The following UBQLN4 variants were observed in gnomAD, a reference collection of about 807,000 sequenced individuals.
UBQLN4 encodes ubiquilin 4.
Under a neutral mutation model 60.4 loss-of-function variants are expected in UBQLN4, and 11 were observed. The observed-to-expected ratio is 0.18, with a 90% CI of 0.11 to 0.30. UBQLN4 has a LOEUF of 0.30. Ranked by LOEUF, UBQLN4 falls within the 10% of genes least tolerant of loss-of-function variation. UBQLN4 has a pLI of 1.00. For missense variants in UBQLN4, 417 were observed against 795.5 expected, an observed-to-expected ratio of 0.52 and a Z score of 5.72; for synonymous variants, 258 against 313.1, an observed-to-expected ratio of 0.82 and a Z score of 1.86.
At chr1:156,035,228 A>T (rs1683371689), downstream of UBQLN4, 1 of 980,630 alleles carries the variant, frequency 1.0e-6, no homozygotes. Flanking sequence ...CTAGATCACA[A>T]CTCTTGCCCT....
chr1:156,053,611 G>C lies in UBQLN4; in HGVS notation c.91C>G (p.Arg31Gly), dbSNP rs149317680. 7 of 1,363,010 alleles carry C rather than the reference G, an allele frequency of 5.1e-6. No individual in the cohort carries two copies. The highest frequency in any genetic ancestry group is 6.7e-6 in the Non-Finnish European group (7 of 1,049,644). 84.4% of individuals were successfully genotyped at this position (1,363,010 alleles called of 1,614,324 possible). Reference sequence around the variant, plus strand: ...TGTACTACCTCCTTGACCGAGGCTCGATCGCAGATCACAATTTCCTCCTTG... The same window carrying C: ...TGTACTACCTCCTTGACCGAGGCTCCATCGCAGATCACAATTTCCTCCTTG... ...KDKEEIVICD[R>G]ASVKEFKEEI... Residue 31 changes from arginine (R) to glycine (G), a missense_variant, in exon 1 of 11, where the codon CGA becomes GGA. By Grantham distance (125) the Arg-to-Gly change is moderately radical (BLOSUM62 -2). Coordinates refer to ENST00000368309, the MANE Select transcript of UBQLN4 (RefSeq NM_020131.5).
chr1:156,042,127 T>C, intron 8 of UBQLN4, 26 bp downstream of exon 8: 2 of 1,605,606 alleles, frequency 1.2e-6, no homozygotes, highest in Admixed American at 1.8e-5. Context: ...GCCCTCAACC[T>C]CCACCCATCT....
intron 8 of UBQLN4, 38 bp from the exon 9 acceptor site, chr1:156,042,025 G>A (rs376437596): frequency 1.2e-6 from 2 of 1,612,966 alleles, no homozygotes; most frequent in African/African-American, 2.7e-5. Context: ...TCAAGAGGTG[G>A]CAGGAAAGAG....
At chr1:156,034,989 C>A (rs755707585), downstream of UBQLN4, among the ~76,000 whole-genome samples, 30 of 150,750 alleles carry the variant, frequency 2.0e-4, no homozygotes, top group Non-Finnish European at 3.5e-4. Context: ...CTGCCTCAGC[C>A]TCCCATGTAG....
chr1:156,038,052 G>T (rs1282128528), intron 10 of UBQLN4, among the ~76,000 whole-genome samples: 1 of 152,178 alleles, frequency 6.6e-6, no homozygotes, highest in Non-Finnish European at 1.5e-5. Context: ...GGCTACAGGT[G>T]TGTACCACCT....
At position 156,035,823 on chromosome 1, in the gene UBQLN4, C is replaced by T. The variant is rs1415437516; in HGVS notation, c.*1155G>A. ...CCTGCAATGGACTGACCTTTTTACC[C>T]ACTTGTCTCTGGTGGTGGGAGAGCA... On this transcript the variant is annotated 3_prime_UTR_variant, in exon 11 of 11. Transcript: ENST00000368309. The T allele has an allele frequency of 2.0e-6, 2 of 985,346 alleles. No individual in the cohort carries two copies. The highest frequency in any genetic ancestry group is 1.7e-5 in the African/African-American group (1 of 57,200). The allele number at this position is 985,346 out of a possible 1,614,324, so 61.0% of individuals were successfully genotyped here.
chr1:156,037,169 A>G (rs1418557472), intron 10 of UBQLN4, 39 bp from the exon 11 acceptor site: 1 of 1,598,828 alleles, frequency 6.3e-7, no homozygotes, highest in East Asian at 2.2e-5. Flanking sequence ...CACAGGACCA[A>G]TCTTGGGGGC....
chr1:156,051,531 C>A (rs1455844319), intron 2 of UBQLN4, among the ~76,000 whole-genome samples, 175 bp downstream of exon 2: 1 of 152,134 alleles, frequency 6.6e-6, no homozygotes, highest in African/African-American at 2.4e-5. Flanking sequence ...GTCTTCAGGG[C>A]ATTCTGGGAA....
intron 5 of UBQLN4, 22 bp from the exon 6 acceptor site, chr1:156,044,245 G>A (rs1241178572): frequency 1.3e-6 from 2 of 1,551,008 alleles, no homozygotes; most frequent in Non-Finnish European, 1.7e-6. Flanking sequence ...GAAAGGTTTT[G>A]GGTTAAGGAC....
At chr1:156,032,886 C>T (rs1683319033), downstream of UBQLN4, among the ~76,000 whole-genome samples, 1 of 152,040 alleles carries the variant, frequency 6.6e-6, no homozygotes, top group African/African-American at 2.4e-5. Context: ...TTTGCATTCT[C>T]CAGATGAGGA....
chr1:156,050,747 A>G lies in UBQLN4; in HGVS notation c.479-194T>C, dbSNP rs1219674072. 6.6e-6 allele frequency among the ~76,000 whole-genome samples: 1 copy of G among 152,216 alleles called. No homozygotes were observed. The highest frequency in any genetic ancestry group is 1.5e-5 in the Non-Finnish European group (1 of 68,036). On this transcript the variant is annotated intron_variant, in intron 3 of 10. Transcript: ENST00000368309. This position sits in a 1 kb window ranked among gnomAD's most constrained non-coding sequence, Gnocchi z 4.6. ...CTACTAGACTGAGGCTGTGCCAAAC[A>G]TAGAACTGAGCAGAGAGAAGGCAAC...
rs112995184 is a variant in UBQLN4, at chr1:156,040,441, ATTTTTTTTTTTT to A, written c.1653+1032_1653+1043del. 3.7e-5 allele frequency among the ~76,000 whole-genome samples: 4 copies of A among 109,014 alleles called. No homozygotes were observed. The Admixed American group carries it at 4.2e-4, about 11-fold the overall frequency. 71.5% of individuals were successfully genotyped at this position (109,014 alleles called of 152,430 possible). A position where few individuals can be genotyped will look rare whatever the true frequency, so the allele number is the denominator to read the frequency against. On this transcript the variant is annotated intron_variant, in intron 10 of 10. Coordinates refer to ENST00000368309, the MANE Select transcript of UBQLN4 (RefSeq NM_020131.5). Reference sequence around the variant, plus strand: ...TGTTGCTTCTTATCACAGTCCACACATTTTTTTTTTTTTTTTTTTTTTGAGATGGAGTCTCGC... The same window carrying A: ...TGTTGCTTCTTATCACAGTCCACACATTTTTTTTTTGAGATGGAGTCTCGC...
chr1:156,042,695 G>A, intron 7 of UBQLN4, 79 bp downstream of exon 7: 1 of 1,562,328 alleles, frequency 6.4e-7, no homozygotes. Flanking sequence ...TGGCTCCACA[G>A]TGTTTTGACC....
chr1:156,053,054 A>G (rs1683918321), intron 1 of UBQLN4, among the ~76,000 whole-genome samples: 1 of 152,220 alleles, frequency 6.6e-6, no homozygotes, highest in Admixed American at 6.5e-5. Context: ...CCGTCATTCA[A>G]CAAGATTTTA....
downstream of UBQLN4, among the ~76,000 whole-genome samples, chr1:156,033,624 C>T (rs140325362): frequency 1.3e-5 from 2 of 152,248 alleles, no homozygotes; most frequent in East Asian, 3.9e-4. Flanking sequence ...TGTCAGATCA[C>T]CTGAGGTCAG....
chr1:156,039,391 T>C (rs1322898820), intron 10 of UBQLN4, among the ~76,000 whole-genome samples: 2 of 151,592 alleles, frequency 1.3e-5, no homozygotes, highest in Non-Finnish European at 2.9e-5. Context: ...GCTGGGATGA[T>C]AGGCATGCGC....
intron 6 of UBQLN4, 149 bp from the exon 7 acceptor site, chr1:156,043,062 G>T: frequency 8.8e-7 from 1 of 1,131,962 alleles, no homozygotes; most frequent in Non-Finnish European, 1.2e-6. Context: ...ATTGTGGCAT[G>T]AGTCCAAGTC....
intron 10 of UBQLN4, among the ~76,000 whole-genome samples, chr1:156,037,333 C>T (rs1683432576): frequency 1.3e-5 from 2 of 152,168 alleles, no homozygotes; most frequent in South Asian, 2.1e-4. Context: ...CGGTGGCTCA[C>T]GCCTGTAATC....
At chr1:156,033,720 T>A (rs1165317340), downstream of UBQLN4, among the ~76,000 whole-genome samples, 8 of 151,982 alleles carry the variant, frequency 5.3e-5, no homozygotes, top group Admixed American at 3.3e-4. Context: ...GGCGGGCACC[T>A]GCAATCCCAG....
Sources: allele counts gnomAD v4.1 joint callset (sites outside exome capture counted in the v4.1 genomes callset), GRCh38; gene constraint gnomAD v4.1.1; non-coding constraint Gnocchi (gnomAD v3.1); transcripts MANE v1.5; gene names NCBI Gene and HGNC (gene_info 2026-07-23, HGNC 2026-07-21).